The following TTC23L variants were observed in gnomAD, a reference collection of about 807,000 sequenced individuals.
The protein encoded by TTC23L is tetratricopeptide repeat domain 23 like.
TTC23L carries 42 observed loss-of-function variants against 48.1 expected under a neutral mutation model. The observed-to-expected ratio is 0.87, with a 90% CI of 0.68 to 1.13. The LOEUF is 1.13. Ranked by LOEUF, TTC23L falls within the 50% of genes most tolerant of loss-of-function variation. The probability of loss-of-function intolerance (pLI) is 0.00; values close to 1 mark genes in which losing one functional copy is unlikely to be tolerated. For synonymous variants in TTC23L, 159 were observed against 157.2 expected (o/e 1.01, Z -0.09); for missense variants, 391 against 421.0 (o/e 0.93, Z 0.62).
At position 34,849,283 on chromosome 5, in the gene TTC23L, T is replaced by G. The variant is rs575473291; in HGVS notation, c.256-902T>G. Among the ~76,000 whole-genome samples, 23 of 152,336 alleles carry G rather than the reference T, an allele frequency of 1.5e-4. No individual in the cohort carries two copies. The South Asian group carries it at 4.6e-3, about 30-fold the overall frequency. ...CAACCAGATAGTAGATGTATTCTGC[T>G]GGAAGAACATACCAGTAGCCATGAA... On this transcript the variant is annotated intron_variant, in intron 3 of 10. Transcript: ENST00000505624.
chr5:34,923,074 A>C, the TTC23L span: 1 of 1,567,946 alleles, frequency 6.4e-7, no homozygotes. Context: ...AAAATTAGCT[A>C]TCCAAAATAT....
At position 34,866,879 on chromosome 5, in the gene TTC23L, C is replaced by A; in HGVS notation, c.663-13C>A. The A allele has an allele frequency of 2.5e-6, 4 of 1,568,848 alleles. No homozygotes were observed. Among genetic ancestry groups the A allele is most frequent in the Non-Finnish European group, 2.6e-6 (3 of 1,152,192 alleles). ...CTCTCTGTGACTTTCTATTTTCATC[C>A]CTTTTCTTGCAGAGCCTCCTTGGCC... On this transcript the variant is annotated splice_polypyrimidine_tract_variant and intron_variant, in intron 6 of 10. Transcript: ENST00000505624.
intron 3 of TTC23L, 116 bp downstream of exon 3, chr5:34,845,789 C>G (rs1379652782): frequency 9.1e-7 from 1 of 1,094,912 alleles, no homozygotes; most frequent in Non-Finnish European, 1.3e-6. Flanking sequence ...TGTCATATTT[C>G]TTTGTAAGTA....
intron 2 of TTC23L, among the ~76,000 whole-genome samples, chr5:34,842,592 G>T (rs535532641): frequency 2.8e-4 from 42 of 152,240 alleles, no homozygotes; most frequent in African/African-American, 9.4e-4. Flanking sequence ...TGGTGAGAAG[G>T]GGGGTGGAAG....
chr5:34,861,418 TA>T, intron 4 of TTC23L: 1 of 160,786 alleles, frequency 6.2e-6, no homozygotes, highest in South Asian at 1.9e-4. Context: ...AGGGAAGACA[TA>T]ATCTTGTGAA....
At chr5:34,875,395 A>C (rs184881786) in intron 8 of TTC23L, among the ~76,000 whole-genome samples, 14 of 152,270 alleles carry the variant, frequency 9.2e-5, no homozygotes, top group African/African-American at 3.4e-4. Context: ...GGCCATCTTC[A>C]AGCTGAGGAG....
the TTC23L span, among the ~76,000 whole-genome samples, chr5:34,912,778 T>C: frequency 6.6e-6 from 1 of 152,172 alleles, no homozygotes; most frequent in Non-Finnish European, 1.5e-5. Flanking sequence ...GGCGGGCAGA[T>C]CACCTGAGGT....
intron 7 of TTC23L, chr5:34,868,678 C>T (rs936195043): frequency 3.4e-5 from 14 of 413,424 alleles, no homozygotes; most frequent in Non-Finnish European, 5.8e-5. Flanking sequence ...GAACTTACCA[C>T]GTGATGAGCA....
rs1763059887 is a variant in TTC23L at position 34,894,236 on chromosome 5, C to G, written c.1078-2534C>G. On this transcript the variant is annotated intron_variant, in intron 9 of 10. Transcript: ENST00000505624. ...GTATATATACAAATATACACCTATA[C>G]ATACATAAATATATCTTTTAGATTT... is the stretch of plus-strand genomic sequence containing the variant. Among the ~76,000 whole-genome samples, 6 of 152,122 alleles carry G rather than the reference C, an allele frequency of 3.9e-5. No homozygotes were observed. The South Asian group carries it at 1.2e-3, about 31-fold the overall frequency.
In TTC23L at chr5:34,871,986, G is replaced by T. The variant is rs1431922870; in HGVS notation, c.949+2973G>T. 2.6e-5 allele frequency among the ~76,000 whole-genome samples: 4 copies of T among 151,708 alleles called. No homozygotes were observed. The East Asian group carries it at 7.7e-4, about 29-fold the overall frequency. On this transcript the variant is annotated intron_variant, in intron 8 of 10. Transcript: ENST00000505624. ...AAGAGCTAAAATTTATATTTACATA[G>T]AAAAAAATAGGCTTTAAAAAAGTAC...
the TTC23L span, chr5:34,923,092 A>C: frequency 6.3e-7 from 1 of 1,577,020 alleles, no homozygotes; most frequent in Non-Finnish European, 8.7e-7. Context: ...TATACATGAT[A>C]TATCTTGGAA....
At chr5:34,902,291 C>T (rs926314265), downstream of TTC23L, 2 of 193,598 alleles carry the variant, frequency 1.0e-5, no homozygotes, top group East Asian at 1.4e-4. Flanking sequence ...TGGTGGGTGC[C>T]TGTAATCCCA....
chr5:34,902,426 T>A, downstream of TTC23L: 1 of 392,130 alleles, frequency 2.6e-6, no homozygotes, highest in South Asian at 1.9e-5. Context: ...AAAAAATAAA[T>A]TAATAATAAT....
chr5:34,891,196 C>T (rs569815976), intron 9 of TTC23L, among the ~76,000 whole-genome samples: 2 of 152,166 alleles, frequency 1.3e-5, no homozygotes, highest in African/African-American at 4.8e-5. Context: ...AAATAAGAGG[C>T]TTCTTTGTAT....
At chr5:34,915,745 G>C in the TTC23L span, 1 of 1,600,308 alleles carries the variant, frequency 6.2e-7, no homozygotes, top group Non-Finnish European at 8.5e-7. Flanking sequence ...CAAGATGGCG[G>C]CAACCAAGAG....
chr5:34,908,754 A>G, the TTC23L span: 2 of 1,581,474 alleles, frequency 1.3e-6, no homozygotes, highest in Non-Finnish European at 1.7e-6. Flanking sequence ...AATATCAGTG[A>G]ATTGTCATAC....
the TTC23L span, chr5:34,919,109 G>T: frequency 6.7e-6 from 1 of 148,336 alleles, no homozygotes; most frequent in Non-Finnish European, 1.5e-5. Flanking sequence ...AAAAAAAAAT[G>T]AAAAAAGTAA....
At chr5:34,922,274 G>A in the TTC23L span, 2 of 1,577,728 alleles carry the variant, frequency 1.3e-6, no homozygotes, top group South Asian at 2.3e-5. Context: ...GAAAAAACAG[G>A]ATCTCTATAT....
chr5:34,861,832 G>T (rs1021833607), intron 4 of TTC23L, among the ~76,000 whole-genome samples: 1 of 152,306 alleles, frequency 6.6e-6, no homozygotes, highest in East Asian at 1.9e-4. Context: ...CTAGGTACCT[G>T]CAGAGAGAGG....
Sources: gnomAD v4.1 joint callset for allele counts (sites outside exome capture counted in the v4.1 genomes callset) on GRCh38, gnomAD v4.1.1 for gene constraint, MANE v1.5 for transcripts, NCBI Gene and HGNC (gene_info 2026-07-23, HGNC 2026-07-21) for gene names.